The following DENND3 variants were observed in gnomAD, a reference collection of about 807,000 sequenced individuals.
DENND3 encodes DENN domain-containing protein 3.
In DENND3, 88 loss-of-function variants were observed where a neutral mutation model predicts 135.1. The observed-to-expected ratio is 0.65, with a 90% CI of 0.55 to 0.78. The LOEUF (loss-of-function observed/expected upper bound fraction) is 0.78, where lower values mean the gene tolerates loss of function less well. Among genes scored for constraint, DENND3 ranks in the 30% least tolerant of loss-of-function variants. The probability of loss-of-function intolerance (pLI) is 0.00; values close to 1 mark genes in which losing one functional copy is unlikely to be tolerated. For synonymous variants in DENND3, 693 were observed against 712.3 expected, an observed-to-expected ratio of 0.97 and a Z score of 0.43; for missense variants, 1,392 against 1,688.4, an observed-to-expected ratio of 0.82 and a Z score of 3.08.
rs563147948 is a variant in DENND3, at chr8:141,187,296, C to T, written c.3085-1690C>T. On this transcript the variant is annotated intron_variant, in intron 18 of 22. Coordinates refer to ENST00000519811, the MANE Select transcript of DENND3 (RefSeq NM_001352890.3). ...TTGACAGGGTCCCTCTCCCATTGCC[C>T]GTGGCTGGAGTGTAGTGGCACAATC... Among the ~76,000 whole-genome samples the T allele has an allele frequency of 2.2e-4, 34 of 151,604 alleles. No individual in the cohort carries two copies. The South Asian group carries it at 3.7e-3, about 17-fold the overall frequency.
At chr8:141,134,559 CA>C (rs1241780258) in intron 1 of DENND3, among the ~76,000 whole-genome samples, 1 of 152,066 alleles carries the variant, frequency 6.6e-6, no homozygotes, top group East Asian at 1.9e-4. Context: ...AAGCGTAAGC[CA>C]CCGCTCCCAG....
At chr8:141,170,688 G>A (rs558215858) in intron 13 of DENND3, among the ~76,000 whole-genome samples, 5 of 152,192 alleles carry the variant, frequency 3.3e-5, no homozygotes, top group Admixed American at 6.5e-5. Flanking sequence ...GAGCTCCTGC[G>A]GATGATGAGC....
Position 141,144,668 on chromosome 8 carries a change from T to A in DENND3, c.735+409T>A, listed in dbSNP as rs147485614. Reference sequence around the variant, plus strand: ...TTCCCGGCCATGACAGGAAGGAAGGTCAGACACGCCTTGTTATGCCCGCTC... The same window carrying A: ...TTCCCGGCCATGACAGGAAGGAAGGACAGACACGCCTTGTTATGCCCGCTC... On this transcript the variant is annotated intron_variant, in intron 5 of 22. Transcript: ENST00000519811. This position sits in a 1 kb window ranked among gnomAD's most constrained non-coding sequence, Gnocchi z 4.4. Among the ~76,000 whole-genome samples the A allele has an allele frequency of 8.7e-4, 131 of 151,348 alleles. No individual in the cohort carries two copies. Among genetic ancestry groups the A allele is most frequent in the African/African-American group, 3.0e-3 (123 of 40,676 alleles).
Position 141,128,636 on chromosome 8 carries a change from C to G in DENND3, c.-72C>G. 1 of 1,021,900 alleles carries G rather than the reference C, an allele frequency of 9.8e-7. No individual in the cohort carries two copies. Among genetic ancestry groups the G allele is most frequent in the Non-Finnish European group, 1.3e-6 (1 of 797,836 alleles). 63.3% of individuals were successfully genotyped at this position (1,021,900 alleles called of 1,614,324 possible). A position where few individuals can be genotyped will look rare whatever the true frequency, so the allele number is the denominator to read the frequency against. On this transcript the variant is annotated 5_prime_UTR_variant, in exon 1 of 23. Transcript: ENST00000519811. This position sits in a 1 kb window ranked among gnomAD's most constrained non-coding sequence, Gnocchi z 4.5. ...CCGGCCCCCAGGCGGCGCGGCTGGT[C>G]CCCAGGGGTCTGCGGGCGACTGCGC...
chr8:141,194,261 G>A lies in DENND3; in HGVS notation c.*28G>A. ...GTGGCTGAGTCTGCCAAGTGGAACTGTGCCCTATGTGTGGGGACTGGCTGC... is the reference window on the plus strand; with the variant it reads ...GTGGCTGAGTCTGCCAAGTGGAACTATGCCCTATGTGTGGGGACTGGCTGC... On this transcript the variant is annotated 3_prime_UTR_variant, in exon 23 of 23. Coordinates refer to ENST00000519811, the MANE Select transcript of DENND3 (RefSeq NM_001352890.3). The A allele has an allele frequency of 6.2e-7, 1 of 1,602,838 alleles. No individual in the cohort carries two copies. Among genetic ancestry groups the A allele is most frequent in the Non-Finnish European group, 8.5e-7 (1 of 1,176,166 alleles).
At position 141,163,529 on chromosome 8, in the gene DENND3, C is replaced by G. The variant is rs536584559; in HGVS notation, c.1449+100C>G. On this transcript the variant is annotated intron_variant, in intron 10 of 22. Coordinates refer to ENST00000519811, the MANE Select transcript of DENND3 (RefSeq NM_001352890.3). ...AAATAAGTGTTCTCAAGTGTATCAA[C>G]TTTTCCAAAAAGTTTGTTTTAGCAT... 2.9e-4 allele frequency: 227 copies of G among 787,862 alleles called. No individual in the cohort carries two copies. The African/African-American group carries it at 3.6e-3, about 12-fold the overall frequency. The allele number at this position is 787,862 out of a possible 1,614,324, so 48.8% of individuals were successfully genotyped here.
Position 141,192,455 on chromosome 8 carries a change from C to T in DENND3, c.3498+6C>T. The T allele has an allele frequency of 6.2e-7, 1 of 1,614,074 alleles. No individual in the cohort carries two copies. The highest frequency in any genetic ancestry group is 8.5e-7 in the Non-Finnish European group (1 of 1,179,944). ...CCTTCCAGCTCCTTCCTGAGGTATC[C>T]CAGCAGGGGCTGTGGGCCCAGCATG... On this transcript the variant is annotated splice_donor_region_variant and intron_variant, in intron 21 of 22. Coordinates refer to ENST00000519811, the MANE Select transcript of DENND3 (RefSeq NM_001352890.3).
intron 3 of DENND3, among the ~76,000 whole-genome samples, chr8:141,140,735 A>C (rs1157607630): frequency 6.6e-6 from 1 of 152,132 alleles, no homozygotes; most frequent in African/African-American, 2.4e-5. Context: ...GTGAGCCCCA[A>C]ATACTTTGCC....
chr8:141,128,785 G>A lies in DENND3; in HGVS notation c.78G>A (p.Arg26=), dbSNP rs927652091. The A allele has an allele frequency of 3.4e-6, 5 of 1,460,466 alleles. No homozygotes were observed. The highest frequency in any genetic ancestry group is 1.5e-5 in the African/African-American group (1 of 68,106). The allele number at this position is 1,460,466 out of a possible 1,614,324, so 90.5% of individuals were successfully genotyped here. Residue 26 remains arginine, a synonymous_variant, in exon 1 of 23, where the codon CGG becomes CGA. Transcript: ENST00000519811. This position sits in a 1 kb window ranked among gnomAD's most constrained non-coding sequence, Gnocchi z 4.5. The stretch of plus-strand genomic sequence containing the variant: ...TCTGCGCGCTGCTGGGCGCCCCCCG[G>A]GACAGTCTCCGAAGTCTCGAGCAGG... ...LELCALLGAP[R]DSLRSLEQVA...
chr8:141,151,755 C>G lies in DENND3; in HGVS notation c.992C>G (p.Ser331Trp), dbSNP rs767488832. ...CAGCACCCCTTCGTGCCCATCCTGT[C>G]GGACCAGATGCTGGATTTCGTCATG... ...QWQHPFVPIL[S>W]DQMLDFVMAP... Residue 331 changes from serine to tryptophan, a missense_variant, in exon 7 of 23, where the codon TCG becomes TGG. Coordinates refer to ENST00000519811, the MANE Select transcript of DENND3 (RefSeq NM_001352890.3). 10 of 1,614,214 alleles carry G rather than the reference C, an allele frequency of 6.2e-6. No homozygotes were observed. Among genetic ancestry groups the G allele is most frequent in the Non-Finnish European group, 1.7e-6 (2 of 1,180,050 alleles).
chr8:141,187,696 T>C (rs146091364), intron 18 of DENND3, among the ~76,000 whole-genome samples: 4 of 152,038 alleles, frequency 2.6e-5, no homozygotes, highest in Admixed American at 6.5e-5. Context: ...CTTTACATGT[T>C]AGAAGGTAAT....
At position 141,141,097 on chromosome 8, in the gene DENND3, T is replaced by C. The variant is rs962968910; in HGVS notation, c.502-106T>C. ...CTTGGACGCGTTGCAGGGGTGGGGA[T>C]GGTGGACTCTCAGCTTGCTGTGTGC... is the stretch of plus-strand genomic sequence containing the variant. On this transcript the variant is annotated intron_variant, in intron 3 of 22. Coordinates refer to ENST00000519811, the MANE Select transcript of DENND3 (RefSeq NM_001352890.3). The surrounding 1 kb of genome is among the most constrained non-coding windows in gnomAD (Gnocchi z 5.3). 6.4e-7 allele frequency: 1 copy of C among 1,552,156 alleles called. No homozygotes were observed. Among genetic ancestry groups the C allele is most frequent in the African/African-American group, 1.3e-5 (1 of 74,134 alleles).
chr8:141,141,407 G>C lies in DENND3; in HGVS notation c.623+83G>C. The stretch of plus-strand genomic sequence containing the variant: ...GGTGAGCCAAGGGACCAGGGGGCTG[G>C]AGGTGGTGGGGGGGCAGCTCTCTGT... On this transcript the variant is annotated intron_variant, in intron 4 of 22. Coordinates refer to ENST00000519811, the MANE Select transcript of DENND3 (RefSeq NM_001352890.3). The surrounding 1 kb of genome is among the most constrained non-coding windows in gnomAD (Gnocchi z 5.3). 1.3e-6 allele frequency: 2 copies of C among 1,521,026 alleles called. No individual in the cohort carries two copies. The highest frequency in any genetic ancestry group is 1.8e-6 in the Non-Finnish European group (2 of 1,117,736). The allele number at this position is 1,521,026 out of a possible 1,614,324, so 94.2% of individuals were successfully genotyped here.
chr8:141,131,722 G>A (rs1039992544), intron 1 of DENND3, among the ~76,000 whole-genome samples: 2 of 152,232 alleles, frequency 1.3e-5, no homozygotes, highest in African/African-American at 4.8e-5. Flanking sequence ...TGTGACTCAA[G>A]TAAATTAGAG....
intron 9 of DENND3, among the ~76,000 whole-genome samples, chr8:141,161,197 T>A (rs895332247): frequency 3.3e-5 from 5 of 152,214 alleles, no homozygotes; most frequent in Admixed American, 2.6e-4. Context: ...GGCTCCGGGC[T>A]CTGGCTCAGT....
At chr8:141,184,058 T>G (rs965653300) in intron 17 of DENND3, among the ~76,000 whole-genome samples, 1 of 152,232 alleles carries the variant, frequency 6.6e-6, no homozygotes, top group Admixed American at 6.5e-5. Flanking sequence ...TTGGGCTGTC[T>G]CAGAGGCTTC....
Position 141,141,354 on chromosome 8 carries a change from G to T in DENND3, c.623+30G>T. ...GCTGGGGCACCGGGGGCCAGGGGTG[G>T]TAGGGGGCAGCTCTTTGTGCCTCTC... On this transcript the variant is annotated intron_variant, in intron 4 of 22. Transcript: ENST00000519811. This position sits in a 1 kb window ranked among gnomAD's most constrained non-coding sequence, Gnocchi z 5.3. 1 of 1,610,172 alleles carries T rather than the reference G, an allele frequency of 6.2e-7. No homozygotes were observed. The highest frequency in any genetic ancestry group is 8.5e-7 in the Non-Finnish European group (1 of 1,178,994).
intron 17 of DENND3, chr8:141,184,548 C>G (rs1177298030): frequency 6.6e-6 from 1 of 152,242 alleles, no homozygotes; most frequent in Non-Finnish European, 1.5e-5. Context: ...ACACTTCCCA[C>G]AAGAGGGCAT....
At position 141,186,983 on chromosome 8, in the gene DENND3, C is replaced by T. The variant is rs117282498; in HGVS notation, c.3084+1705C>T. Among the ~76,000 whole-genome samples, 34 of 152,312 alleles carry T rather than the reference C, an allele frequency of 2.2e-4. No homozygotes were observed. The East Asian group carries it at 3.1e-3, about 14-fold the overall frequency. Reference sequence around the variant, plus strand: ...ACACTCCCCCGCACCGTGGCCTGCGCGCCCTTTGTCCATGTTTCTCCTGTT... The same window carrying T: ...ACACTCCCCCGCACCGTGGCCTGCGTGCCCTTTGTCCATGTTTCTCCTGTT... On this transcript the variant is annotated intron_variant, in intron 18 of 22. Coordinates refer to ENST00000519811, the MANE Select transcript of DENND3 (RefSeq NM_001352890.3).
Sources: gnomAD v4.1 joint callset for allele counts (sites outside exome capture counted in the v4.1 genomes callset) on GRCh38, gnomAD v4.1.1 for gene constraint, Gnocchi (gnomAD v3.1) non-coding constraint, MANE v1.5 for transcripts, NCBI Gene and HGNC (gene_info 2026-07-23, HGNC 2026-07-21) for gene names.